Variants in KIAA2012 observed in about 807,000 individuals in gnomAD.
KIAA2012 encodes KIAA2012, also known as uncharacterized protein KIAA2012.
In KIAA2012, 125 loss-of-function variants were observed where a neutral mutation model predicts 150.6. The ratio of observed to expected loss-of-function variants is 0.83; its 90% confidence interval spans 0.72 to 0.96. The LOEUF (loss-of-function observed/expected upper bound fraction) is 0.96, where lower values mean the gene tolerates loss of function less well. Ranked by LOEUF, KIAA2012 falls within the 40% of genes least tolerant of loss-of-function variation. The pLI, the probability that KIAA2012 is intolerant of heterozygous loss-of-function variation, is 0.00. For synonymous variants in KIAA2012, 462 were observed against 504.7 expected, an observed-to-expected ratio of 0.92 and a Z score of 1.13; for missense variants, 1,219 against 1,354.9, an observed-to-expected ratio of 0.90 and a Z score of 1.57.
intron 15 of KIAA2012, among the ~76,000 whole-genome samples, chr2:202,177,850 G>C (rs555319015): frequency 6.6e-6 from 1 of 152,314 alleles, no homozygotes; most frequent in East Asian, 1.9e-4. Context: ...CACCATAGTA[G>C]CATGTGATAA....
chr2:202,145,514 C>T (rs1300161660), intron 13 of KIAA2012, among the ~76,000 whole-genome samples: 3 of 152,058 alleles, frequency 2.0e-5, no homozygotes, highest in African/African-American at 4.8e-5. Flanking sequence ...CTGTATTAAT[C>T]GATGTCTTGG....
chr2:202,190,956 G>T (rs945937473), intron 19 of KIAA2012, among the ~76,000 whole-genome samples: 1 of 152,144 alleles, frequency 6.6e-6, no homozygotes, highest in East Asian at 1.9e-4. Context: ...ATAGAGAGAG[G>T]CAGCCTGTAC....
At chr2:202,159,915 A>C (rs1201898853) in intron 14 of KIAA2012, among the ~76,000 whole-genome samples, 1 of 152,222 alleles carries the variant, frequency 6.6e-6, no homozygotes, top group African/African-American at 2.4e-5. Context: ...ATGAACTAAT[A>C]GTTTTGAAAG....
Position 202,109,728 on chromosome 2 carries a change from C to T in KIAA2012, c.1590C>T (p.His530=). 6.5e-7 allele frequency: 1 copy of T among 1,550,354 alleles called. No individual in the cohort carries two copies. Among genetic ancestry groups the T allele is most frequent in the Non-Finnish European group, 8.7e-7 (1 of 1,146,880 alleles). The change falls in exon 10 of 24, where the codon CAC becomes CAT. Residue 530 remains histidine, a synonymous_variant. Transcript: ENST00000498697. ...TGGACAGCCCTAGGACATCAGACCA[C>T]AACAGCCCCCCAAGTCTCCCGAACA... ...KGVDSPRTSD[H]NSPPSLPNMR...
At chr2:202,154,835 G>C (rs1347435791) in intron 14 of KIAA2012, 25 bp downstream of exon 14, 1 of 1,532,286 alleles carries the variant, frequency 6.5e-7, no homozygotes, top group South Asian at 1.2e-5. Context: ...AGAAGACGAG[G>C]GGTTTTATAG....
intron 13 of KIAA2012, among the ~76,000 whole-genome samples, chr2:202,140,986 G>A (rs1691186470): frequency 6.6e-6 from 1 of 152,150 alleles, no homozygotes; most frequent in Non-Finnish European, 1.5e-5. Context: ...TGTCAAAGGT[G>A]GATATTCTGG....
intron 5 of KIAA2012, among the ~76,000 whole-genome samples, chr2:202,097,979 A>T (rs138288219): frequency 6.6e-6 from 1 of 152,172 alleles, no homozygotes; most frequent in Non-Finnish European, 1.5e-5. Context: ...TGAGACTTCC[A>T]GAGAAGGGAA....
At chr2:202,182,834 C>A (rs1035598493) in intron 15 of KIAA2012, among the ~76,000 whole-genome samples, 2 of 152,202 alleles carry the variant, frequency 1.3e-5, no homozygotes, top group African/African-American at 2.4e-5. Flanking sequence ...AATCTCAGTA[C>A]AGTCAGTCTT....
chr2:202,105,452 G>A (rs1690160511), intron 8 of KIAA2012, among the ~76,000 whole-genome samples: 1 of 152,196 alleles, frequency 6.6e-6, no homozygotes, highest in African/African-American at 2.4e-5. Context: ...GCAATTCCAT[G>A]CTAATCTCCT....
chr2:202,106,493 T>C (rs545216273), intron 9 of KIAA2012, among the ~76,000 whole-genome samples: 1 of 152,232 alleles, frequency 6.6e-6, no homozygotes, highest in South Asian at 2.1e-4. Flanking sequence ...TTTGCCAGCC[T>C]GGCCAACATG....
Position 202,122,656 on chromosome 2 carries a change from C to A in KIAA2012, c.1763-2558C>A, listed in dbSNP as rs1358584147. Among the ~76,000 whole-genome samples the A allele has an allele frequency of 2.0e-5, 3 of 152,036 alleles. No individual in the cohort carries two copies. In the East Asian group the frequency reaches 5.8e-4, roughly 29 times the overall value. On this transcript the variant is annotated intron_variant, in intron 11 of 23. Coordinates refer to ENST00000498697, the MANE Select transcript of KIAA2012 (RefSeq NM_001277372.4). ...GCTGGGACTACAGGTGGTGCACCAC[C>A]ACGCCTGGCTAAATTTGTTGTATTT...
chr2:202,180,206 G>A (rs1029340228), intron 15 of KIAA2012, among the ~76,000 whole-genome samples: 13 of 151,428 alleles, frequency 8.6e-5, no homozygotes, highest in African/African-American at 3.2e-4. Flanking sequence ...GGGAGGCGGA[G>A]GTTGCGGAGA....
At chr2:202,183,267 A>T (rs1387620583) in intron 15 of KIAA2012, among the ~76,000 whole-genome samples, 1 of 152,018 alleles carries the variant, frequency 6.6e-6, no homozygotes, top group Non-Finnish European at 1.5e-5. Flanking sequence ...GAAAAATAGA[A>T]AAAATTAGCC....
intron 16 of KIAA2012, among the ~76,000 whole-genome samples, chr2:202,185,340 C>T (rs377087448): frequency 1.2e-4 from 18 of 152,208 alleles, no homozygotes; most frequent in East Asian, 7.7e-4. Flanking sequence ...ACTTAAGCTA[C>T]TTTGGTAGTG....
intron 5 of KIAA2012, among the ~76,000 whole-genome samples, chr2:202,098,872 T>G (rs1026330245): frequency 1.8e-4 from 27 of 151,160 alleles, no homozygotes; most frequent in African/African-American, 6.3e-4. Flanking sequence ...ATAGACAACA[T>G]CTGCTCCCAT....
At chr2:202,143,720 T>C (rs1248642988) in intron 13 of KIAA2012, among the ~76,000 whole-genome samples, 1 of 152,226 alleles carries the variant, frequency 6.6e-6, no homozygotes, top group African/African-American at 2.4e-5. Context: ...AGCACCATTA[T>C]TTTTTAGCAA....
At chr2:202,112,520 C>A (rs1013083178) in intron 10 of KIAA2012, among the ~76,000 whole-genome samples, 3 of 152,180 alleles carry the variant, frequency 2.0e-5, no homozygotes, top group Non-Finnish European at 2.9e-5. Flanking sequence ...TAGAGCTGGT[C>A]GGTCAGAAGT....
Position 202,114,882 on chromosome 2 carries a change from T to C in KIAA2012, c.1762+1436T>C, listed in dbSNP as rs553346940. Reference sequence around the variant, plus strand: ...GCCTCTCAAACCTAAAGGCATTCACTGCATGCTTATTGAATGAATGAATGA... The same window carrying C: ...GCCTCTCAAACCTAAAGGCATTCACCGCATGCTTATTGAATGAATGAATGA... On this transcript the variant is annotated intron_variant, in intron 11 of 23. Transcript: ENST00000498697. 1.9e-5 allele frequency: 3 copies of C among 162,102 alleles called. No individual in the cohort carries two copies. The South Asian group carries it at 6.7e-4, about 36-fold the overall frequency. The allele number at this position is 162,102 out of a possible 1,614,324, so 10.0% of individuals were successfully genotyped here.
chr2:202,096,744 A>C (rs904397874), intron 4 of KIAA2012, among the ~76,000 whole-genome samples: 2 of 152,222 alleles, frequency 1.3e-5, no homozygotes, highest in African/African-American at 4.8e-5. Context: ...GCTTGGCTCC[A>C]AACAAGGAAG....
Sources: gnomAD v4.1 joint callset for allele counts (sites outside exome capture counted in the v4.1 genomes callset) on GRCh38, gnomAD v4.1.1 for gene constraint, MANE v1.5 for transcripts, NCBI Gene and HGNC (gene_info 2026-07-23, HGNC 2026-07-21) for gene names.